Variants in CPAP observed in about 807,000 individuals in gnomAD.
The protein encoded by CPAP is centrosome assembly and centriole elongation protein, also known as centrosomal P4.1-associated protein.
At chr13:24,917,653 A>T in the CPAP span, among the ~76,000 whole-genome samples, 1 of 152,262 alleles carries the variant, frequency 6.6e-6, no homozygotes, top group Non-Finnish European at 1.5e-5. Context: ...TGAAAACAGT[A>T]CAAGTTACAG....
chr13:24,882,482 A>G, the CPAP span: 3 of 132,614 alleles, frequency 2.3e-5, no homozygotes, highest in African/African-American at 7.6e-5. Flanking sequence ...GGCTACAGTA[A>G]TCTCACTGTG....
the CPAP span, among the ~76,000 whole-genome samples, chr13:24,921,767 G>A: frequency 3.3e-5 from 5 of 151,998 alleles, no homozygotes; most frequent in Admixed American, 6.6e-5. Flanking sequence ...TTCCCTACTA[G>A]ACTGACAAGT....
At chr13:24,903,525 C>T in the CPAP span, among the ~76,000 whole-genome samples, 3,935 of 152,244 alleles carry the variant, frequency 0.026, 70 homozygotes, top group Non-Finnish European at 0.038. Flanking sequence ...CAGCATGGCC[C>T]GCCTTGCTGA....
At chr13:24,904,147 T>C in the CPAP span, 28 of 1,408,822 alleles carry the variant, frequency 2.0e-5, no homozygotes, top group African/African-American at 2.7e-4. Flanking sequence ...GAGCCAAGAA[T>C]ATGGCAAACA....
chr13:24,930,746 C>A, the CPAP span, among the ~76,000 whole-genome samples: 1 of 152,160 alleles, frequency 6.6e-6, no homozygotes, highest in Admixed American at 6.6e-5. Flanking sequence ...CATGTCTTTG[C>A]TATTGTGAAT....
the CPAP span, among the ~76,000 whole-genome samples, chr13:24,894,251 C>T: frequency 6.6e-6 from 1 of 152,182 alleles, no homozygotes; most frequent in Middle Eastern, 3.2e-3. Context: ...TCACGTGGAG[C>T]GACGCCACAG....
At chr13:24,909,069 G>A in the CPAP span, among the ~76,000 whole-genome samples, 9 of 152,232 alleles carry the variant, frequency 5.9e-5, no homozygotes, top group Middle Eastern at 3.4e-3. Flanking sequence ...AATATTAACT[G>A]CTCAATCTAG....
the CPAP span, among the ~76,000 whole-genome samples, chr13:24,893,924 A>G: frequency 1.1e-4 from 17 of 151,956 alleles, no homozygotes; most frequent in Admixed American, 2.0e-4. Flanking sequence ...GGGTGATGGG[A>G]GAGTGGCTGG....
At chr13:24,895,311 C>A in the CPAP span, among the ~76,000 whole-genome samples, 1 of 152,144 alleles carries the variant, frequency 6.6e-6, no homozygotes, top group Admixed American at 6.5e-5. Context: ...TGTGGTGGCT[C>A]ACGCCTGTAA....
the CPAP span, among the ~76,000 whole-genome samples, chr13:24,923,927 C>CA: frequency 5.9e-5 from 9 of 152,148 alleles, no homozygotes; most frequent in African/African-American, 2.2e-4. Flanking sequence ...CTGCCGGGTT[C>CA]ACGCCATTCT....
the CPAP span, among the ~76,000 whole-genome samples, chr13:24,925,366 A>G: frequency 6.6e-6 from 1 of 152,304 alleles, no homozygotes; most frequent in Non-Finnish European, 1.5e-5. Context: ...TGTCCACTCT[A>G]TCCAGAGAGG....
chr13:24,900,726 G>A, the CPAP span, among the ~76,000 whole-genome samples: 1 of 152,198 alleles, frequency 6.6e-6, no homozygotes, highest in African/African-American at 2.4e-5. Flanking sequence ...GCACAGACGC[G>A]GGCAGCAGAG....
At chr13:24,899,647 C>G in the CPAP span, 1 of 1,334,050 alleles carries the variant, frequency 7.5e-7, no homozygotes, top group Non-Finnish European at 1.1e-6. Flanking sequence ...TGTGCAGAAC[C>G]TGCTGACAGG....
chr13:24,907,651 T>G, the CPAP span, among the ~76,000 whole-genome samples: 1 of 152,206 alleles, frequency 6.6e-6, no homozygotes, highest in African/African-American at 2.4e-5. Context: ...CTTTGCCATA[T>G]TTTAAAATTC....
the CPAP span, chr13:24,899,704 G>A: frequency 1.3e-6 from 1 of 761,406 alleles, no homozygotes; most frequent in Non-Finnish European, 2.3e-6. Context: ...CCATAGGCCT[G>A]AAATAACAGC....
the CPAP span, chr13:24,882,971 T>C: frequency 5.9e-5 from 34 of 579,468 alleles, no homozygotes; most frequent in East Asian, 2.1e-4. Flanking sequence ...CCTTAGTCTA[T>C]TGAAAGACAG....
chr13:24,896,586 T>C, the CPAP span, among the ~76,000 whole-genome samples: 1 of 152,226 alleles, frequency 6.6e-6, no homozygotes, highest in Non-Finnish European at 1.5e-5. Flanking sequence ...GGGAAAGGCA[T>C]CAAGTTGCAA....
the CPAP span, among the ~76,000 whole-genome samples, chr13:24,927,685 CA>C: frequency 6.6e-6 from 1 of 152,212 alleles, no homozygotes; most frequent in Admixed American, 6.5e-5. Flanking sequence ...GAATGCTGAA[CA>C]GTCCTACCAT....
At chr13:24,906,868 A>G in the CPAP span, 2 of 1,614,200 alleles carry the variant, frequency 1.2e-6, no homozygotes, top group Non-Finnish European at 1.7e-6. Context: ...TTTGAAACTT[A>G]GATTTGGCAT....
Sources: allele counts gnomAD v4.1 joint callset (sites outside exome capture counted in the v4.1 genomes callset), GRCh38; gene constraint gnomAD v4.1.1; transcripts MANE v1.5; gene names NCBI Gene and HGNC (gene_info 2026-07-23, HGNC 2026-07-21).